Variants in SSH2 observed in about 807,000 individuals in gnomAD.
SSH2 encodes slingshot protein phosphatase 2.
SSH2 carries 37 observed loss-of-function variants against 135.2 expected under a neutral mutation model. The observed-to-expected ratio is 0.27, with a 90% CI of 0.21 to 0.36. SSH2 has a LOEUF of 0.36. SSH2 is among the 10% of genes least tolerant of loss of function. The pLI, the probability that SSH2 is intolerant of heterozygous loss-of-function variation, is 1.00. For synonymous variants in SSH2, 628 were observed against 646.2 expected (o/e 0.97, Z 0.43); for missense variants, 1,408 against 1,765.3 (o/e 0.80, Z 3.63).
At chr17:29,850,670 A>C (rs1343307500) in intron 1 of SSH2, among the ~76,000 whole-genome samples, 1 of 152,172 alleles carries the variant, frequency 6.6e-6, no homozygotes, top group African/African-American at 2.4e-5. Flanking sequence ...TTTAGAAAAT[A>C]ATCAGAAATA....
At chr17:29,809,324 T>A (rs543906851) in intron 2 of SSH2, among the ~76,000 whole-genome samples, 1 of 152,304 alleles carries the variant, frequency 6.6e-6, no homozygotes, top group African/African-American at 2.4e-5. Flanking sequence ...GAAGTTAATT[T>A]TCCTCTACTC....
At chr17:29,789,424 T>C (rs1343860387) in intron 3 of SSH2, among the ~76,000 whole-genome samples, 1 of 152,066 alleles carries the variant, frequency 6.6e-6, no homozygotes, top group Non-Finnish European at 1.5e-5. Flanking sequence ...CAAACAGAAA[T>C]ACTGCCAGCT....
At chr17:29,751,996 A>T (rs2040961121) in intron 3 of SSH2, among the ~76,000 whole-genome samples, 1 of 152,212 alleles carries the variant, frequency 6.6e-6, no homozygotes, top group South Asian at 2.1e-4. Flanking sequence ...AATATACCTA[A>T]TAAGAAATGT....
chr17:29,853,862 C>A lies in SSH2; in HGVS notation c.64-4933G>T, dbSNP rs79103093. Among the ~76,000 whole-genome samples the A allele has an allele frequency of 4.7e-3, 718 of 151,514 alleles. 11 individuals are homozygous for A. Among genetic ancestry groups the A allele is most frequent in the East Asian group, 0.031 (159 of 5,164 alleles). On this transcript the variant is annotated intron_variant, in intron 1 of 15. Transcript: ENST00000540801. Reference sequence around the variant, plus strand: ...GTGCCTGTAGTTCTAGATACTCAGCCGCTCTAGAGGCTGATGAGGGAGGAC... The same window carrying A: ...GTGCCTGTAGTTCTAGATACTCAGCAGCTCTAGAGGCTGATGAGGGAGGAC...
chr17:29,817,768 T>C (rs563511280), intron 2 of SSH2, among the ~76,000 whole-genome samples: 3 of 152,128 alleles, frequency 2.0e-5, no homozygotes, highest in Non-Finnish European at 4.4e-5. Context: ...TATTTATTTA[T>C]TTATTTGAGT....
At chr17:29,744,860 AGTGTGT>A (rs71689248) in intron 3 of SSH2, among the ~76,000 whole-genome samples, 4,341 of 140,488 alleles carry the variant, frequency 0.031, 90 homozygotes, top group African/African-American at 0.054. Flanking sequence ...GGATTACTTG[AGTGTGT>A]GTGTGTGTGT....
At chr17:29,924,490 G>A (rs2067030440) in intron 1 of SSH2, among the ~76,000 whole-genome samples, 1 of 152,168 alleles carries the variant, frequency 6.6e-6, no homozygotes, top group African/African-American at 2.4e-5. Flanking sequence ...TTTAAAACAA[G>A]AGTAAGCCTT....
chr17:29,752,997 C>CCTCT (rs1403597241), intron 3 of SSH2, among the ~76,000 whole-genome samples: 1 of 152,130 alleles, frequency 6.6e-6, no homozygotes. Context: ...GACAAGTTAA[C>CCTCT]CTCTCTGTGC....
intron 1 of SSH2, among the ~76,000 whole-genome samples, chr17:29,850,042 A>T (rs1027802754): frequency 2.6e-4 from 39 of 147,382 alleles, no homozygotes; most frequent in African/African-American, 9.6e-4. Context: ...AAAAAAAAAA[A>T]AAAAAAAAGA....
At chr17:29,774,399 G>A (rs775383155) in intron 3 of SSH2, among the ~76,000 whole-genome samples, 2 of 151,990 alleles carry the variant, frequency 1.3e-5, no homozygotes, top group Non-Finnish European at 2.9e-5. Context: ...CAAGTAGCTG[G>A]GATTACAGGT....
intron 4 of SSH2, 39 bp downstream of exon 4, chr17:29,702,920 T>C (rs3102560): frequency 0.53 from 751,189 of 1,415,236 alleles, 202,304 homozygotes; most frequent in East Asian, 0.69. Context: ...ACAAAAGATA[T>C]AGTTACCAAG....
intron 1 of SSH2, among the ~76,000 whole-genome samples, chr17:29,913,093 G>A (rs1457729990): frequency 6.6e-6 from 1 of 150,746 alleles, no homozygotes; most frequent in African/African-American, 2.4e-5. Flanking sequence ...TGAGGCAGAC[G>A]GATCACCTAA....
intron 2 of SSH2, among the ~76,000 whole-genome samples, chr17:29,805,493 G>A (rs1224413938): frequency 6.6e-6 from 1 of 152,070 alleles, no homozygotes; most frequent in Non-Finnish European, 1.5e-5. Flanking sequence ...CTCTGACGTT[G>A]GTCCGCTGGT....
In SSH2 at chr17:29,658,601, G is replaced by A. The variant is rs189122365; in HGVS notation, c.1033-2994C>T. On this transcript the variant is annotated intron_variant, in intron 11 of 15. Coordinates refer to ENST00000540801, the MANE Select transcript of SSH2 (RefSeq NM_001282129.2). ...GTAAACTTAGAGGCTGGGTGCAGTG[G>A]CTCACGTCTGTAATCCCAACACTCT... Among the ~76,000 whole-genome samples the A allele has an allele frequency of 7.5e-4, 114 of 152,154 alleles. 3 individuals carry two copies. The highest frequency in any genetic ancestry group is 7.5e-3 in the Admixed American group (114 of 15,266).
chr17:29,730,556 C>A (rs541706549), intron 3 of SSH2, among the ~76,000 whole-genome samples: 5 of 151,676 alleles, frequency 3.3e-5, no homozygotes, highest in Non-Finnish European at 7.4e-5. Context: ...TCACTTCAGC[C>A]TTCCAAGTAA....
chr17:29,734,496 C>T (rs2040303314), intron 3 of SSH2, among the ~76,000 whole-genome samples: 1 of 152,164 alleles, frequency 6.6e-6, no homozygotes, highest in Non-Finnish European at 1.5e-5. Context: ...ATTCACTTCA[C>T]TAAATATCCA....
At chr17:29,882,385 T>C (rs371709198) in intron 1 of SSH2, among the ~76,000 whole-genome samples, 18 of 152,344 alleles carry the variant, frequency 1.2e-4, no homozygotes, top group African/African-American at 4.3e-4. Flanking sequence ...GCCTGGACTT[T>C]TCCCTGCACC....
chr17:29,716,087 TGA>T (rs1598865497), intron 3 of SSH2, among the ~76,000 whole-genome samples: 2 of 152,204 alleles, frequency 1.3e-5, no homozygotes, highest in East Asian at 3.8e-4. Context: ...TTCTCCAATC[TGA>T]GAGAATGATG....
intron 3 of SSH2, among the ~76,000 whole-genome samples, chr17:29,764,880 A>G (rs2041408024): frequency 6.6e-6 from 1 of 152,226 alleles, no homozygotes; most frequent in Non-Finnish European, 1.5e-5. Context: ...TGAAAACTGG[A>G]GACTTACATG....
Sources: gnomAD v4.1 joint callset for allele counts (sites outside exome capture counted in the v4.1 genomes callset) on GRCh38, gnomAD v4.1.1 for gene constraint, MANE v1.5 for transcripts, NCBI Gene and HGNC (gene_info 2026-07-23, HGNC 2026-07-21) for gene names.